ZBTB26: variants seen among roughly 807,000 people sequenced by gnomAD.
ZBTB26 encodes zinc finger and BTB domain containing 26.
Under a neutral mutation model 31.6 loss-of-function variants are expected in ZBTB26, and 12 were observed. The ratio of observed to expected loss-of-function variants is 0.38; its 90% CI spans 0.24 to 0.61. The LOEUF (loss-of-function observed/expected upper bound fraction) is 0.61. Among genes scored for constraint, ZBTB26 ranks in the 20% least tolerant of loss-of-function variants. ZBTB26 has a pLI of 0.60. For synonymous variants in ZBTB26, 155 were observed against 182.9 expected (o/e 0.85, Z 1.23); for missense variants, 311 against 521.9 (o/e 0.60, Z 3.94).
At position 122,919,060 on chromosome 9, in the gene ZBTB26, A is replaced by C; in HGVS notation, c.875T>G (p.Leu292Ter). The part of the protein sequence containing the change: ...FRHLENYANH[L>*]KMHKLFMCLL... The stretch of plus-strand genomic sequence containing the variant: ...ACACATAAAGAGTTTGTGCATTTTT[A>C]AATGGTTGGCGTAGTTCTCCAGGTG... Residue 292 changes from leucine to a stop codon, truncating the protein, a stop_gained, in exon 2 of 2, where the codon TTA (leucine) becomes TGA (stop). Transcript: ENST00000373656. LOFTEE classifies it high-confidence loss of function. The surrounding 1 kb of genome is among the most constrained non-coding windows in gnomAD (Gnocchi z 6.1). 2 of 1,614,214 alleles carry C rather than the reference A, an allele frequency of 1.2e-6. No homozygotes were observed. Among genetic ancestry groups the C allele is most frequent in the Non-Finnish European group, 8.5e-7 (1 of 1,180,032 alleles).
Position 122,918,437 on chromosome 9 carries a change from T to G in ZBTB26, c.*172A>C. On this transcript the variant is annotated 3_prime_UTR_variant, in exon 2 of 2. Coordinates refer to ENST00000373656, the MANE Select transcript of ZBTB26 (RefSeq NM_020924.4). ...AACAGAAAATGGGAGAGGGCAAAAGTAAGGCAAATCCACTCCAAGTGGTAA... is the reference window on the plus strand; with the variant it reads ...AACAGAAAATGGGAGAGGGCAAAAGGAAGGCAAATCCACTCCAAGTGGTAA... The G allele has an allele frequency of 1.1e-6, 1 of 935,260 alleles. No homozygotes were observed. The highest frequency in any genetic ancestry group is 1.5e-6 in the Non-Finnish European group (1 of 646,154). 57.9% of individuals were successfully genotyped at this position (935,260 alleles called of 1,614,324 possible).
Position 122,918,499 on chromosome 9 carries a change from C to T in ZBTB26, c.*110G>A. ...TATTAGTGCTTTGACTCACTCCCTA[C>T]CACCTACACAGAGGCTTTGGAGAAG... is the stretch of plus-strand genomic sequence containing the variant. On this transcript the variant is annotated 3_prime_UTR_variant, in exon 2 of 2. Coordinates refer to ENST00000373656, the MANE Select transcript of ZBTB26 (RefSeq NM_020924.4). 1 of 1,486,794 alleles carries T rather than the reference C, an allele frequency of 6.7e-7. No homozygotes were observed. The highest frequency in any genetic ancestry group is 8.9e-7 in the Non-Finnish European group (1 of 1,119,490). The allele number at this position is 1,486,794 out of a possible 1,614,324, so 92.1% of individuals were successfully genotyped here.
chr9:122,918,554 C>T lies in ZBTB26; in HGVS notation c.*55G>A. ...ACTAGCAAAATCACTCCTAAAAAGA[C>T]TAAGACTATTGCCACATTGTCAGTC... On this transcript the variant is annotated 3_prime_UTR_variant, in exon 2 of 2. Coordinates refer to ENST00000373656, the MANE Select transcript of ZBTB26 (RefSeq NM_020924.4). The T allele has an allele frequency of 6.4e-7, 1 of 1,561,188 alleles. No individual in the cohort carries two copies. The highest frequency in any genetic ancestry group is 2.2e-5 in the East Asian group (1 of 44,612).
intron 1 of ZBTB26, among the ~76,000 whole-genome samples, chr9:122,920,455 G>A (rs1464276100): frequency 6.6e-6 from 1 of 152,218 alleles, no homozygotes; most frequent in East Asian, 1.9e-4. Flanking sequence ...GGTCTCTGAA[G>A]AAGAGAGAAC....
intron 1 of ZBTB26, among the ~76,000 whole-genome samples, chr9:122,926,010 C>T (rs192709438): frequency 1.1e-4 from 17 of 152,112 alleles, no homozygotes; most frequent in African/African-American, 3.9e-4. Flanking sequence ...TCACCTGCTT[C>T]GGCCTCCCAA....
Position 122,923,862 on chromosome 9 carries a change from T to C in ZBTB26, c.-10-3918A>G, listed in dbSNP as rs369889325. ...CAACAATGAACTGCATATACAATGA[T>C]GGTCCCATAGAATATAATACCATAT... On this transcript the variant is annotated intron_variant, in intron 1 of 1. Transcript: ENST00000373656. Among the ~76,000 whole-genome samples, 114 of 152,360 alleles carry C rather than the reference T, an allele frequency of 7.5e-4. 2 individuals carry two copies. In the South Asian group the frequency reaches 0.023, roughly 30 times the overall value.
chr9:122,916,849 A>G lies in ZBTB26; in HGVS notation c.*1760T>C, dbSNP rs1833023242. On this transcript the variant is annotated 3_prime_UTR_variant, in exon 2 of 2. Coordinates refer to ENST00000373656, the MANE Select transcript of ZBTB26 (RefSeq NM_020924.4). ...AATGATACATGTAAACGTATCAAATATAACAATTGAAGATCCCCTCTGACT... is the reference window on the plus strand; with the variant it reads ...AATGATACATGTAAACGTATCAAATGTAACAATTGAAGATCCCCTCTGACT... 6.6e-6 allele frequency: 1 copy of G among 152,254 alleles called. No homozygotes were observed. Among genetic ancestry groups the G allele is most frequent in the African/African-American group, 2.4e-5 (1 of 41,468 alleles). The allele number at this position is 152,254 out of a possible 1,614,324, so 9.4% of individuals were successfully genotyped here.
rs1255743053 is a variant in ZBTB26 at position 122,930,316 on chromosome 9, T to C, written c.-11+1121A>G. ...AAACCTAAGAATTAGATTTGGTCCC[T>C]CACACTTCTTCAGCATTCAGTTAAT... On this transcript the variant is annotated intron_variant, in intron 1 of 1. Transcript: ENST00000373656. Among the ~76,000 whole-genome samples, 3 of 152,222 alleles carry C rather than the reference T, an allele frequency of 2.0e-5. No homozygotes were observed. In the East Asian group the frequency reaches 5.8e-4, roughly 29 times the overall value.
At position 122,918,456 on chromosome 9, in the gene ZBTB26, G is replaced by T; in HGVS notation, c.*153C>A. The T allele has an allele frequency of 8.7e-7, 1 of 1,152,758 alleles. No homozygotes were observed. Among genetic ancestry groups the T allele is most frequent in the Non-Finnish European group, 1.2e-6 (1 of 834,280 alleles). The allele number at this position is 1,152,758 out of a possible 1,614,324, so 71.4% of individuals were successfully genotyped here. A position where few individuals can be genotyped will look rare whatever the true frequency, so the allele number is the denominator to read the frequency against. ...CAAAAGTAAGGCAAATCCACTCCAA[G>T]TGGTAAGTTGCCTGGTCTATTAGTG... On this transcript the variant is annotated 3_prime_UTR_variant, in exon 2 of 2. Transcript: ENST00000373656.
intron 1 of ZBTB26, among the ~76,000 whole-genome samples, chr9:122,922,124 G>A (rs1398715357): frequency 6.6e-6 from 1 of 151,974 alleles, no homozygotes; most frequent in Non-Finnish European, 1.5e-5. Context: ...TGTAGTCCCA[G>A]CTACTCAGGA....
At chr9:122,924,478 T>C (rs923419238) in intron 1 of ZBTB26, among the ~76,000 whole-genome samples, 2 of 152,224 alleles carry the variant, frequency 1.3e-5, no homozygotes, top group Non-Finnish European at 2.9e-5. Context: ...GAGTTCTTAA[T>C]GTTCCCCCAT....
rs1353583710 is a variant in ZBTB26 at position 122,916,474 on chromosome 9, T to C, written c.*2135A>G. 6.6e-6 allele frequency: 1 copy of C among 152,232 alleles called. No homozygotes were observed. The highest frequency in any genetic ancestry group is 1.5e-5 in the Non-Finnish European group (1 of 68,032). 9.4% of individuals were successfully genotyped at this position (152,232 alleles called of 1,614,324 possible). Reference sequence around the variant, plus strand: ...AAGAGACCAATCTTATTTGAACCCGTGCCTTTTAGTCTTCAAACCAGTAAC... The same window carrying C: ...AAGAGACCAATCTTATTTGAACCCGCGCCTTTTAGTCTTCAAACCAGTAAC... On this transcript the variant is annotated 3_prime_UTR_variant, in exon 2 of 2. Coordinates refer to ENST00000373656, the MANE Select transcript of ZBTB26 (RefSeq NM_020924.4).
At chr9:122,926,420 T>A (rs1406225366) in intron 1 of ZBTB26, among the ~76,000 whole-genome samples, 1 of 148,748 alleles carries the variant, frequency 6.7e-6, no homozygotes, top group East Asian at 2.0e-4. Context: ...GGCAGGAGAA[T>A]GGCGTGAACC....
intron 1 of ZBTB26, among the ~76,000 whole-genome samples, chr9:122,930,823 C>A (rs1040404875): frequency 6.6e-6 from 1 of 152,232 alleles, no homozygotes; most frequent in African/African-American, 2.4e-5. Context: ...CACTTTCTTT[C>A]TAAAGCCTTC....
intron 1 of ZBTB26, among the ~76,000 whole-genome samples, chr9:122,920,161 A>G (rs1385792104): frequency 6.6e-6 from 1 of 152,212 alleles, no homozygotes; most frequent in African/African-American, 2.4e-5. Flanking sequence ...TAAAGAGCAG[A>G]CTTGTATTTG....
chr9:122,920,693 G>C (rs1459158512), intron 1 of ZBTB26, among the ~76,000 whole-genome samples: 1 of 152,074 alleles, frequency 6.6e-6, no homozygotes, highest in Non-Finnish European at 1.5e-5. Flanking sequence ...TCTAAACTCC[G>C]TTTTAAGGAA....
At chr9:122,920,833 AT>A (rs1205256699) in intron 1 of ZBTB26, among the ~76,000 whole-genome samples, 1 of 152,184 alleles carries the variant, frequency 6.6e-6, no homozygotes, top group African/African-American at 2.4e-5. Context: ...CTTTATCCCT[AT>A]TTATCAATCA....
Position 122,919,047 on chromosome 9 carries a change from T to A in ZBTB26, c.888A>T (p.Lys296Asn). Residue 296 changes from lysine to asparagine, a missense_variant, in exon 2 of 2, where the codon AAA becomes AAT. Physicochemically the swap from Lys to Asn is moderately conservative, Grantham distance 94. Around this residue, in one of 5 missense-constraint regions of ZBTB26, gnomAD observed 207 missense variants for 298.6 expected, o/e 0.69. Coordinates refer to ENST00000373656, the MANE Select transcript of ZBTB26 (RefSeq NM_020924.4). This position sits in a 1 kb window ranked among gnomAD's most constrained non-coding sequence, Gnocchi z 6.1. ...TGCCGCAGAGTAGACACATAAAGAG[T>A]TTGTGCATTTTTAAATGGTTGGCGT... ...ENYANHLKMH[K>N]LFMCLLCGKT... is the part of the protein sequence containing the mutation. 6.2e-7 allele frequency: 1 copy of A among 1,613,958 alleles called. No individual in the cohort carries two copies. The highest frequency in any genetic ancestry group is 8.5e-7 in the Non-Finnish European group (1 of 1,180,008).
intron 1 of ZBTB26, among the ~76,000 whole-genome samples, chr9:122,924,118 A>G (rs1833141956): frequency 6.6e-6 from 1 of 152,242 alleles, no homozygotes; most frequent in Non-Finnish European, 1.5e-5. Flanking sequence ...AACACATCAC[A>G]GTTGTTAAGT....
Sources: allele counts gnomAD v4.1 joint callset (sites outside exome capture counted in the v4.1 genomes callset), GRCh38; gene constraint gnomAD v4.1.1; regional missense constraint gnomAD v4.1.1; non-coding constraint Gnocchi (gnomAD v3.1); transcripts MANE v1.5; gene names NCBI Gene and HGNC (gene_info 2026-07-23, HGNC 2026-07-21).